Variants in TLE1 observed in about 807,000 individuals in gnomAD.
TLE1 encodes transducin-like enhancer protein 1.
In TLE1, 21 loss-of-function variants were observed where a neutral mutation model predicts 89.8. The ratio of observed to expected loss-of-function variants is 0.23; its 90% CI spans 0.17 to 0.34. The LOEUF (loss-of-function observed/expected upper bound fraction) is 0.34. Ranked by LOEUF, TLE1 falls within the 10% of genes least tolerant of loss-of-function variation. TLE1 has a pLI of 1.00. For synonymous variants in TLE1, 447 were observed against 407.6 expected, an observed-to-expected ratio of 1.10 and a Z score of -1.16; for missense variants, 795 against 1,031.2, an observed-to-expected ratio of 0.77 and a Z score of 3.14.
Position 81,584,046 on chromosome 9 carries a change from T to G in TLE1, c.*152A>C, listed in dbSNP as rs1828002136. On this transcript the variant is annotated 3_prime_UTR_variant, in exon 20 of 20. Coordinates refer to ENST00000376499, the MANE Select transcript of TLE1 (RefSeq NM_005077.5). Reference sequence around the variant, plus strand: ...ACTTTCTGCTGATGGACTTGTCGCCTCCTCTTTGTAGACTCAAAGTAGTTT... The same window carrying G: ...ACTTTCTGCTGATGGACTTGTCGCCGCCTCTTTGTAGACTCAAAGTAGTTT... The G allele has an allele frequency of 3.0e-6, 2 of 670,656 alleles. No homozygotes were observed. The highest frequency in any genetic ancestry group is 3.6e-5 in the African/African-American group (2 of 55,208). 41.5% of individuals were successfully genotyped at this position (670,656 alleles called of 1,614,324 possible).
At chr9:81,590,199 G>A (rs896444617) in intron 16 of TLE1, among the ~76,000 whole-genome samples, 12 of 152,192 alleles carry the variant, frequency 7.9e-5, no homozygotes, top group Non-Finnish European at 1.0e-4. Context: ...AGCATTTGGC[G>A]GGGGAGCTGA....
At chr9:81,609,734 A>G (rs1306851325) in intron 14 of TLE1, among the ~76,000 whole-genome samples, 2 of 152,188 alleles carry the variant, frequency 1.3e-5, no homozygotes, top group East Asian at 3.9e-4. Flanking sequence ...AACACAACCT[A>G]CCCTTCAAAT....
At chr9:81,642,455 G>C (rs1351713291) in intron 6 of TLE1, among the ~76,000 whole-genome samples, 7 of 152,044 alleles carry the variant, frequency 4.6e-5, no homozygotes, top group African/African-American at 1.7e-4. Context: ...CCTTTGGGAG[G>C]CCGAGGAAGG....
chr9:81,609,416 G>A (rs933762337), intron 14 of TLE1, among the ~76,000 whole-genome samples: 4 of 152,210 alleles, frequency 2.6e-5, no homozygotes, highest in African/African-American at 9.7e-5. Flanking sequence ...AGAAGGCAGA[G>A]TTTTGCTGCT....
chr9:81,625,701 T>C (rs1449795580), intron 8 of TLE1, among the ~76,000 whole-genome samples: 1 of 152,156 alleles, frequency 6.6e-6, no homozygotes, highest in African/African-American at 2.4e-5. Flanking sequence ...TCTGTATTAC[T>C]TTATCCTGAC....
At chr9:81,686,665 T>C (rs1387678239) in intron 2 of TLE1, among the ~76,000 whole-genome samples, 3 of 152,206 alleles carry the variant, frequency 2.0e-5, no homozygotes, top group Non-Finnish European at 2.9e-5. Flanking sequence ...CTAACCTTTC[T>C]GGGAAGTTCA....
chr9:81,630,745 C>T (rs1183138033), intron 8 of TLE1, among the ~76,000 whole-genome samples: 5 of 152,170 alleles, frequency 3.3e-5, no homozygotes, highest in Non-Finnish European at 5.9e-5. Flanking sequence ...TAATTCAAAC[C>T]ACTTTATTAA....
chr9:81,687,948 T>A (rs948069969), intron 1 of TLE1, among the ~76,000 whole-genome samples: 3 of 151,936 alleles, frequency 2.0e-5, no homozygotes. Flanking sequence ...AGAGGGGATA[T>A]GGCTGCAGGA....
At chr9:81,661,295 T>C (rs1336134620) in intron 4 of TLE1, among the ~76,000 whole-genome samples, 1 of 151,452 alleles carries the variant, frequency 6.6e-6, no homozygotes, top group East Asian at 1.9e-4. Flanking sequence ...AAAACCACCT[T>C]TCCTACTTCT....
intron 4 of TLE1, among the ~76,000 whole-genome samples, chr9:81,683,397 G>A (rs529936100): frequency 6.6e-6 from 1 of 152,174 alleles, no homozygotes; most frequent in East Asian, 1.9e-4. Flanking sequence ...CAAATCTAAT[G>A]AGAGCTCCAA....
chr9:81,652,213 C>T lies in TLE1; in HGVS notation c.372+1G>A, dbSNP rs758956905. On this transcript the variant is annotated splice_donor_variant, in intron 6 of 19. Coordinates refer to ENST00000376499, the MANE Select transcript of TLE1 (RefSeq NM_005077.5). LOFTEE classifies it high-confidence loss of function. ...GGAGGTAGACCTGGTAGGCCACGTA[C>T]CCCGATGATGGCATTCAATTCTGCC... is the stretch of plus-strand genomic sequence containing the variant. 1 of 1,613,662 alleles carries T rather than the reference C, an allele frequency of 6.2e-7. No individual in the cohort carries two copies. The highest frequency in any genetic ancestry group is 2.2e-5 in the East Asian group (1 of 44,858).
chr9:81,638,017 T>A (rs1320548003), intron 6 of TLE1, among the ~76,000 whole-genome samples: 1 of 152,150 alleles, frequency 6.6e-6, no homozygotes, highest in African/African-American at 2.4e-5. Context: ...TTCTCCAGAA[T>A]AAGAAAGGAA....
chr9:81,620,654 CCTA>C (rs1315231877), intron 8 of TLE1, 97 bp from the exon 9 acceptor site: 1 of 1,523,152 alleles, frequency 6.6e-7, no homozygotes, highest in Non-Finnish European at 8.8e-7. Flanking sequence ...AAAGGTGATA[CCTA>C]CACAGCCTTT....
At chr9:81,619,078 T>C (rs1185104676) in intron 9 of TLE1, among the ~76,000 whole-genome samples, 2 of 152,226 alleles carry the variant, frequency 1.3e-5, no homozygotes, top group African/African-American at 4.8e-5. Context: ...AACAGCCTCA[T>C]GAAGGGCAAT....
intron 4 of TLE1, among the ~76,000 whole-genome samples, chr9:81,680,069 A>T (rs535181828): frequency 2.0e-5 from 3 of 152,270 alleles, no homozygotes; most frequent in African/African-American, 7.2e-5. Flanking sequence ...GACGCTCCTC[A>T]ATTTGCACGC....
Position 81,685,730 on chromosome 9 carries a change from G to C in TLE1, c.190-10C>G, listed in dbSNP as rs920861741. ...ATGACATTTCATAATACTGTAAAGAGAAAAAAGAATCAAGCATTTCATTAA... is the reference window on the plus strand; with the variant it reads ...ATGACATTTCATAATACTGTAAAGACAAAAAAGAATCAAGCATTTCATTAA... On this transcript the variant is annotated splice_polypyrimidine_tract_variant and intron_variant, in intron 3 of 19. Transcript: ENST00000376499. The C allele has an allele frequency of 1.2e-6, 2 of 1,612,382 alleles. No homozygotes were observed. Among genetic ancestry groups the C allele is most frequent in the South Asian group, 1.1e-5 (1 of 90,928 alleles).
intron 4 of TLE1, among the ~76,000 whole-genome samples, chr9:81,673,272 TAAA>T (rs5898756): frequency 2.0e-5 from 2 of 97,996 alleles, no homozygotes; most frequent in Non-Finnish European, 3.8e-5. Flanking sequence ...AGACTTCATT[TAAA>T]AAAAAAAAAA....
Position 81,587,916 on chromosome 9 carries a change from G to GTGTGTGTGTGTCATCCCGCC in TLE1, c.1830-89_1830-88insGGCGGGATGACACACACACA, listed in dbSNP as rs1340761202. ...GTTGTTAGTTTTGGACCGTGTGTGT[G>GTGTGTGTGTGTCATCCCGCC]TGTGTGTGTGTGTGTGTGTGTGTGT... On this transcript the variant is annotated intron_variant, in intron 16 of 19. Coordinates refer to ENST00000376499, the MANE Select transcript of TLE1 (RefSeq NM_005077.5). 2.9e-3 allele frequency: 2,519 copies of GTGTGTGTGTGTCATCCCGCC among 875,294 alleles called. 157 individuals are homozygous for GTGTGTGTGTGTCATCCCGCC. Among genetic ancestry groups the GTGTGTGTGTGTCATCCCGCC allele is most frequent in the Middle Eastern group, 8.3e-3 (33 of 3,960 alleles). 54.2% of individuals were successfully genotyped at this position (875,294 alleles called of 1,614,324 possible). A position where few individuals can be genotyped will look rare whatever the true frequency, so the allele number is the denominator to read the frequency against.
At chr9:81,657,120 T>C (rs181127325) in intron 4 of TLE1, among the ~76,000 whole-genome samples, 162 of 152,360 alleles carry the variant, frequency 1.1e-3, no homozygotes, top group Admixed American at 1.7e-3. Flanking sequence ...CATGTATTTA[T>C]TGCTCCACTC....
Sources: allele counts gnomAD v4.1 joint callset (sites outside exome capture counted in the v4.1 genomes callset), GRCh38; gene constraint gnomAD v4.1.1; transcripts MANE v1.5; gene names NCBI Gene and HGNC (gene_info 2026-07-23, HGNC 2026-07-21).